The following ZNF225 variants were observed in gnomAD, a reference collection of about 807,000 sequenced individuals.
The protein encoded by ZNF225 is zinc finger protein 225.
In ZNF225, 6 loss-of-function variants were observed where a neutral mutation model predicts 12.0. The observed-to-expected ratio is 0.50, with a 90% CI of 0.27 to 0.98. The LOEUF (loss-of-function observed/expected upper bound fraction) is 0.98, where lower values mean the gene tolerates loss of function less well. Ranked by LOEUF, ZNF225 falls within the 50% of genes least tolerant of loss-of-function variation. The probability of loss-of-function intolerance (pLI) is 0.11; values close to 1 mark genes in which losing one functional copy is unlikely to be tolerated. For missense variants in ZNF225, 763 were observed against 848.2 expected, an observed-to-expected ratio of 0.90 and a Z score of 1.25; for synonymous variants, 271 against 283.2, an observed-to-expected ratio of 0.96 and a Z score of 0.43.
intron 4 of ZNF225, among the ~76,000 whole-genome samples, 189 bp downstream of exon 4, chr19:44,118,763 A>T (rs1176478761): frequency 1.3e-5 from 2 of 150,908 alleles, no homozygotes; most frequent in Non-Finnish European, 2.9e-5. Context: ...ATGGCAGCCA[A>T]TGTATTCCTT....
intron 4 of ZNF225, chr19:44,130,559 G>A (rs891240031): frequency 3.9e-5 from 10 of 254,674 alleles, no homozygotes; most frequent in Non-Finnish European, 6.7e-5. Context: ...TTAGCTGGGC[G>A]TGGTGGCGGG....
chr19:44,115,723 T>C (rs1967928839), intron 1 of ZNF225, 37 bp from the exon 2 acceptor site: 2 of 1,162,790 alleles, frequency 1.7e-6, no homozygotes, highest in Admixed American at 2.6e-5. Flanking sequence ...GGCCACACTT[T>C]CATGTCTCTT....
In ZNF225 at chr19:44,118,080, T is replaced by C. The variant is rs532714682; in HGVS notation, c.16-108T>C. On this transcript the variant is annotated intron_variant, in intron 2 of 4. Coordinates refer to ENST00000262894, the MANE Select transcript of ZNF225 (RefSeq NM_013362.4). ...AAGTCTGTGTGTTGACCTATGTCTC[T>C]CAAGATCCAAAACAGCTTCTCATTC... The C allele has an allele frequency of 5.5e-5, 71 of 1,299,398 alleles. 1 individual carries two copies. In the South Asian group the frequency reaches 1.4e-3, roughly 25 times the overall value. 80.5% of individuals were successfully genotyped at this position (1,299,398 alleles called of 1,614,324 possible).
chr19:44,115,149 A>G (rs1260387263), intron 1 of ZNF225, among the ~76,000 whole-genome samples: 1 of 151,924 alleles, frequency 6.6e-6, no homozygotes, highest in East Asian at 1.9e-4. Flanking sequence ...CAGTCTTATT[A>G]AGTTAAATGA....
Position 44,132,361 on chromosome 19 carries a change from A to G in ZNF225, c.1747A>G (p.Ile583Val). 16 of 1,613,768 alleles carry G rather than the reference A, an allele frequency of 9.9e-6. No individual in the cohort carries two copies. Among genetic ancestry groups the G allele is most frequent in the Non-Finnish European group, 1.4e-5 (16 of 1,179,908 alleles). The stretch of plus-strand genomic sequence containing the variant: ...GAAGAGCTTTAGCCGGGCCTCAAGT[A>G]TTTTGAATCATAAGAGACTCCATGG... ...CGKSFSRASS[I>V]LNHKRLHGDE... Residue 583 changes from isoleucine (I) to valine (V), a missense_variant, in exon 5 of 5, where the codon ATT becomes GTT. Coordinates refer to ENST00000262894, the MANE Select transcript of ZNF225 (RefSeq NM_013362.4).
intron 1 of ZNF225, among the ~76,000 whole-genome samples, chr19:44,115,220 A>G (rs184760855): frequency 5.1e-4 from 77 of 152,314 alleles, no homozygotes; most frequent in African/African-American, 1.8e-3. Context: ...TCTACATATC[A>G]TAGAAACTAC....
Position 44,132,133 on chromosome 19 carries a change from A to G in ZNF225, c.1519A>G (p.Ser507Gly), listed in dbSNP as rs964732820. 2 of 1,614,084 alleles carry G rather than the reference A, an allele frequency of 1.2e-6. No homozygotes were observed. The highest frequency in any genetic ancestry group is 1.7e-5 in the Admixed American group (1 of 60,010). ...SQLYTHRRVH[S>G]GEKPFKCEEC... is the part of the protein sequence containing the mutation. ...ACTTTATACCCATCGTAGAGTCCAC[A>G]GTGGAGAAAAACCATTCAAATGTGA... Residue 507 changes from serine (S) to glycine (G), a missense_variant, in exon 5 of 5, where the codon AGT becomes GGT. Ser to Gly is a moderately conservative substitution (Grantham distance 56). Coordinates refer to ENST00000262894, the MANE Select transcript of ZNF225 (RefSeq NM_013362.4).
chr19:44,114,521 T>C (rs1183169687), intron 1 of ZNF225, among the ~76,000 whole-genome samples: 1 of 152,218 alleles, frequency 6.6e-6, no homozygotes, highest in East Asian at 1.9e-4. Context: ...TCTCTCTTTT[T>C]TTTTCTTGAG....
intron 4 of ZNF225, among the ~76,000 whole-genome samples, chr19:44,119,120 T>C (rs923982547): frequency 6.6e-6 from 1 of 152,106 alleles, no homozygotes; most frequent in Middle Eastern, 3.2e-3. Flanking sequence ...CCGGCTGGCT[T>C]CTTATGTTTA....
At position 44,132,547 on chromosome 19, in the gene ZNF225, C is replaced by A. The variant is rs1339198638; in HGVS notation, c.1933C>A (p.Leu645Ile). Residue 645 changes from leucine to isoleucine, a missense_variant, in exon 5 of 5, where the codon CTC becomes ATC. By Grantham distance (5) the Leu-to-Ile change is conservative. Transcript: ENST00000262894. ...CTCAACTCATCTAACCCATCAGAGA[C>A]TCCACAGTAGAGAAAAACTACTTCA... is the stretch of plus-strand genomic sequence containing the variant. ...WASTHLTHQR[L>I]HSREKLLQCE... The A allele has an allele frequency of 5.6e-6, 9 of 1,614,062 alleles. No homozygotes were observed. The highest frequency in any genetic ancestry group is 7.6e-6 in the Non-Finnish European group (9 of 1,179,976).
chr19:44,115,033 A>G (rs1178346676), intron 1 of ZNF225, among the ~76,000 whole-genome samples: 1 of 152,184 alleles, frequency 6.6e-6, no homozygotes, highest in East Asian at 1.9e-4. Context: ...AAGGAGAAAT[A>G]CATTTATTAG....
intron 4 of ZNF225, among the ~76,000 whole-genome samples, chr19:44,128,107 A>G (rs10417786): frequency 2.9e-5 from 4 of 138,764 alleles, no homozygotes; most frequent in African/African-American, 1.1e-4. Context: ...GCCTCTTCCA[A>G]TGTACATCAC....
At chr19:44,111,434 C>G (rs947028338), upstream of ZNF225, among the ~76,000 whole-genome samples, 1 of 151,922 alleles carries the variant, frequency 6.6e-6, no homozygotes, top group African/African-American at 2.4e-5. Flanking sequence ...AACTCCCTCT[C>G]AAAACAAAAA....
chr19:44,120,685 T>G (rs1352684372), intron 4 of ZNF225, among the ~76,000 whole-genome samples: 1 of 152,226 alleles, frequency 6.6e-6, no homozygotes, highest in African/African-American at 2.4e-5. Flanking sequence ...GCCTTCTCTC[T>G]GACTTGTCTT....
Position 44,133,577 on chromosome 19 carries a change from T to A in ZNF225, c.*842T>A, listed in dbSNP as rs1400126228. 1.3e-5 allele frequency: 2 copies of A among 152,114 alleles called. No individual in the cohort carries two copies. Among genetic ancestry groups the A allele is most frequent in the Non-Finnish European group, 2.9e-5 (2 of 68,028 alleles). The allele number at this position is 152,114 out of a possible 1,614,324, so 9.4% of individuals were successfully genotyped here. A position where few individuals can be genotyped will look rare whatever the true frequency, so the allele number is the denominator to read the frequency against. On this transcript the variant is annotated 3_prime_UTR_variant, in exon 5 of 5. Coordinates refer to ENST00000262894, the MANE Select transcript of ZNF225 (RefSeq NM_013362.4). Reference sequence around the variant, plus strand: ...AGAAATCAAGGGGTATACATGTGGATGTAAAAAATCAACAAAGATTCTTTT... The same window carrying A: ...AGAAATCAAGGGGTATACATGTGGAAGTAAAAAATCAACAAAGATTCTTTT...
chr19:44,118,620 G>A (rs73564015), intron 4 of ZNF225, 46 bp downstream of exon 4: 11 of 1,568,696 alleles, frequency 7.0e-6, no homozygotes, highest in African/African-American at 5.4e-5. Flanking sequence ...CTCTCCCATC[G>A]GTTTCACTTC....
rs2147577413 is a variant in ZNF225 at position 44,131,435 on chromosome 19, A to C, written c.821A>C (p.Gln274Pro). ...KCGKAFIHDS[Q>P]LQEHQRIHTG... ...GGGAAGGCCTTCATTCATGATTCCCAGCTTCAGGAACATCAAAGAATCCAT... is the reference window on the plus strand; with the variant it reads ...GGGAAGGCCTTCATTCATGATTCCCCGCTTCAGGAACATCAAAGAATCCAT... Residue 274 changes from glutamine to proline, a missense_variant, in exon 5 of 5, where the codon CAG becomes CCG. Gln to Pro is a moderately conservative substitution (Grantham distance 76, BLOSUM62 -1). Transcript: ENST00000262894. The C allele has an allele frequency of 6.2e-7, 1 of 1,614,240 alleles. No homozygotes were observed. Among genetic ancestry groups the C allele is most frequent in the Middle Eastern group, 1.6e-4 (1 of 6,062 alleles).
upstream of ZNF225, among the ~76,000 whole-genome samples, chr19:44,111,780 A>G (rs938608661): frequency 4.6e-5 from 7 of 152,240 alleles, no homozygotes; most frequent in Admixed American, 2.0e-4. Context: ...GGGATTATGG[A>G]CAACAGTAGT....
chr19:44,116,711 A>G (rs1023776023), intron 2 of ZNF225, among the ~76,000 whole-genome samples: 2 of 152,226 alleles, frequency 1.3e-5, no homozygotes, highest in African/African-American at 4.8e-5. Context: ...TGAAAAGGTG[A>G]TGGTATTATT....
Sources: allele counts gnomAD v4.1 joint callset (sites outside exome capture counted in the v4.1 genomes callset), GRCh38; gene constraint gnomAD v4.1.1; transcripts MANE v1.5; gene names NCBI Gene and HGNC (gene_info 2026-07-23, HGNC 2026-07-21).